NEXMIF: variants seen among roughly 807,000 people sequenced by gnomAD.
The protein encoded by NEXMIF is XLMR protein related to neurite extension.
A neutral mutation model predicts 62.1 loss-of-function variants in NEXMIF; 8 were observed. That is an observed-to-expected ratio of 0.13 (90% CI 0.08 to 0.23). The LOEUF is 0.23. Ranked by LOEUF, NEXMIF falls within the 10% of genes least tolerant of loss-of-function variation. The probability of loss-of-function intolerance (pLI) is 1.00; values close to 1 mark genes in which losing one functional copy is unlikely to be tolerated. For synonymous variants in NEXMIF, 404 were observed against 416.6 expected (o/e 0.97, Z 0.37); for missense variants, 976 against 1,113.3 (o/e 0.88, Z 1.75).
At chrX:74,786,153 C>A (rs753734760) in intron 1 of NEXMIF, among the ~76,000 whole-genome samples, 1 of 111,550 alleles carries the variant, frequency 9.0e-6, no homozygotes, top group East Asian at 2.8e-4. Context: ...AGGCACCTGC[C>A]AGTGTAGCAA....
chrX:74,767,777 G>A (rs1283641653), intron 1 of NEXMIF, among the ~76,000 whole-genome samples: 2 of 111,787 alleles, frequency 1.8e-5, no homozygotes, highest in African/African-American at 3.3e-5. Context: ...TGCACTGAAG[G>A]CAATAACAGC....
intron 1 of NEXMIF, among the ~76,000 whole-genome samples, chrX:74,851,069 GA>G (rs777725819): frequency 8.5e-5 from 9 of 106,012 alleles, no homozygotes; most frequent in South Asian, 4.2e-4. Flanking sequence ...TTCACTGAAT[GA>G]AAAAAAAATA....
At chrX:74,779,564 A>G (rs1188936422) in intron 1 of NEXMIF, among the ~76,000 whole-genome samples, 1 of 111,289 alleles carries the variant, frequency 9.0e-6, no homozygotes, top group Non-Finnish European at 1.9e-5. Context: ...ACCATGCACA[A>G]CACCTGACAT....
chrX:74,821,684 T>C (rs2080396597), intron 1 of NEXMIF, among the ~76,000 whole-genome samples: 1 of 112,013 alleles, frequency 8.9e-6, no homozygotes, highest in South Asian at 3.7e-4. Flanking sequence ...GACAGAGGAA[T>C]AATAAAAACA....
intron 1 of NEXMIF, among the ~76,000 whole-genome samples, chrX:74,882,393 C>T (rs1021260127): frequency 6.2e-5 from 7 of 112,184 alleles, no homozygotes; most frequent in African/African-American, 2.3e-4. Flanking sequence ...ATTCCCTTTC[C>T]TAGTCAAAGA....
intron 1 of NEXMIF, among the ~76,000 whole-genome samples, chrX:74,913,683 T>C (rs903186647): frequency 4.6e-5 from 5 of 107,844 alleles, no homozygotes; most frequent in African/African-American, 1.7e-4. Context: ...TAACTACAAG[T>C]GTAAAACAAT....
intron 1 of NEXMIF, among the ~76,000 whole-genome samples, chrX:74,798,963 G>A (rs1470568090): frequency 5.0e-5 from 5 of 100,699 alleles, no homozygotes; most frequent in African/African-American, 1.8e-4. Context: ...AAGGAATAAA[G>A]TAAAAAAAAA....
chrX:74,831,686 T>C (rs952742327), intron 1 of NEXMIF, among the ~76,000 whole-genome samples: 2 of 111,708 alleles, frequency 1.8e-5, no homozygotes, highest in African/African-American at 6.5e-5. Flanking sequence ...CAGCATGATT[T>C]ATAATCCTTT....
intron 1 of NEXMIF, among the ~76,000 whole-genome samples, chrX:74,922,835 C>T (rs753160360): frequency 9.0e-6 from 1 of 111,617 alleles, no homozygotes; most frequent in Non-Finnish European, 1.9e-5. Flanking sequence ...ACCTTAAAAA[C>T]TGTCTAAAAG....
intron 1 of NEXMIF, among the ~76,000 whole-genome samples, chrX:74,873,682 T>TCTA (rs1441975143): frequency 1.8e-5 from 2 of 112,101 alleles, no homozygotes; most frequent in Non-Finnish European, 3.8e-5. Context: ...TGATTGCCAT[T>TCTA]CTAACTGGTG....
intron 1 of NEXMIF, among the ~76,000 whole-genome samples, chrX:74,794,547 G>C (rs1418574069): frequency 8.9e-6 from 1 of 112,407 alleles, no homozygotes; most frequent in Non-Finnish European, 1.9e-5. Context: ...TATCAAGCCT[G>C]GGCAATGGCG....
At chrX:74,836,349 C>G (rs2080456486) in intron 1 of NEXMIF, among the ~76,000 whole-genome samples, 1 of 111,995 alleles carries the variant, frequency 8.9e-6, no homozygotes, top group Non-Finnish European at 1.9e-5. Context: ...CTGCTTTTCT[C>G]ATACAGAAGG....
chrX:74,830,892 T>C (rs779649043), intron 1 of NEXMIF, among the ~76,000 whole-genome samples: 3 of 112,271 alleles, frequency 2.7e-5, no homozygotes, highest in East Asian at 2.8e-4. Context: ...GATTTTTGTA[T>C]GTTGATTTGG....
intron 1 of NEXMIF, among the ~76,000 whole-genome samples, chrX:74,856,934 A>G: frequency 8.9e-6 from 1 of 112,158 alleles, no homozygotes; most frequent in Middle Eastern, 4.6e-3. Context: ...AACTGCACTG[A>G]ATGCAGCTGA....
Position 74,781,192 on chromosome X carries a change from T to C in NEXMIF, c.-47-35495A>G, listed in dbSNP as rs561229741. On this transcript the variant is annotated intron_variant, in intron 1 of 3. Coordinates refer to ENST00000055682, the MANE Select transcript of NEXMIF (RefSeq NM_001008537.3). ...GCCAGCTTTTGGCATCGTTACAAAG[T>C]AGACTTTGATAAAGTTTCACTGCTC... is the stretch of plus-strand genomic sequence containing the variant. Among the ~76,000 whole-genome samples the C allele has an allele frequency of 1.7e-4, 19 of 112,091 alleles. No homozygotes were observed. In the South Asian group the frequency reaches 6.0e-3, roughly 35 times the overall value.
intron 1 of NEXMIF, among the ~76,000 whole-genome samples, chrX:74,877,900 T>C (rs1007307676): frequency 9.0e-6 from 1 of 111,543 alleles, no homozygotes; most frequent in African/African-American, 3.3e-5. Context: ...TTCTAAATTG[T>C]TTTCAAAGTT....
intron 1 of NEXMIF, among the ~76,000 whole-genome samples, chrX:74,754,254 G>A (rs746500606): frequency 1.8e-5 from 2 of 108,671 alleles, no homozygotes; most frequent in African/African-American, 6.7e-5. Context: ...GAGCCACTGT[G>A]CCTGGCCCAA....
At chrX:74,849,566 C>T (rs759688896) in intron 1 of NEXMIF, among the ~76,000 whole-genome samples, 1 of 112,511 alleles carries the variant, frequency 8.9e-6, no homozygotes, top group African/African-American at 3.2e-5. Context: ...TTTGAAAGGC[C>T]AGGCCCCACC....
intron 1 of NEXMIF, among the ~76,000 whole-genome samples, chrX:74,759,888 C>G (rs773612489): frequency 3.6e-5 from 4 of 111,680 alleles, no homozygotes; most frequent in Non-Finnish European, 7.5e-5. Flanking sequence ...TTTTTGGTTC[C>G]ATATGAATTT....
Sources: allele counts gnomAD v4.1 joint callset (sites outside exome capture counted in the v4.1 genomes callset), GRCh38; gene constraint gnomAD v4.1.1; transcripts MANE v1.5; gene names NCBI Gene and HGNC (gene_info 2026-07-23, HGNC 2026-07-21).